CHN2: variants seen among roughly 807,000 people sequenced by gnomAD.
CHN2 encodes beta-chimaerin.
A neutral mutation model predicts 56.3 loss-of-function variants in CHN2; 35 were observed. The ratio of observed to expected loss-of-function variants is 0.62; its 90% CI spans 0.47 to 0.82. CHN2 has a LOEUF of 0.82. Ranked by LOEUF, CHN2 falls within the 40% of genes least tolerant of loss-of-function variation. The pLI, the probability that CHN2 is intolerant of heterozygous loss-of-function variation, is 0.00. For synonymous variants in CHN2, 210 were observed against 212.8 expected (o/e 0.99, Z 0.12); for missense variants, 491 against 580.5 (o/e 0.85, Z 1.58).
chr7:29,302,120 C>T (rs1268801082), intron 1 of CHN2, among the ~76,000 whole-genome samples: 1 of 152,238 alleles, frequency 6.6e-6, no homozygotes, highest in Non-Finnish European at 1.5e-5. Flanking sequence ...GGCTGTCTCT[C>T]TCTAACAGAG....
chr7:29,403,332 A>AGGGGGGGGGGG (rs1802376771), intron 6 of CHN2, among the ~76,000 whole-genome samples: 1 of 68,032 alleles, frequency 1.5e-5, no homozygotes, highest in Non-Finnish European at 2.8e-5. Flanking sequence ...GGGTGGGGGG[A>AGGGGGGGGGGG]GGGTACCTGT....
At chr7:29,159,666 G>C (rs902813156) in intron 2 of CHN2, among the ~76,000 whole-genome samples, 5 of 152,076 alleles carry the variant, frequency 3.3e-5, no homozygotes, top group Non-Finnish European at 7.4e-5. Context: ...TTCTCAGTGA[G>C]ATCTACCCTG....
At chr7:29,302,539 C>A (rs1279093930) in intron 1 of CHN2, among the ~76,000 whole-genome samples, 8 of 135,156 alleles carry the variant, frequency 5.9e-5, no homozygotes, top group African/African-American at 2.3e-4. Context: ...TAGGGTCTCA[C>A]TATATTACCC....
At chr7:29,332,523 T>C (rs1036918606) in intron 1 of CHN2, among the ~76,000 whole-genome samples, 1 of 152,070 alleles carries the variant, frequency 6.6e-6, no homozygotes, top group Non-Finnish European at 1.5e-5. Context: ...CCTAAAATGC[T>C]CTCTCGCAAT....
intron 12 of CHN2, among the ~76,000 whole-genome samples, chr7:29,511,797 A>G (rs1442364339): frequency 1.1e-4 from 17 of 151,636 alleles, no homozygotes; most frequent in Admixed American, 1.1e-3. Context: ...TGAACATTCT[A>G]AAACTTAAAG....
chr7:29,228,219 CAGAG>C (rs993250753), intron 1 of CHN2, among the ~76,000 whole-genome samples: 6 of 149,546 alleles, frequency 4.0e-5, no homozygotes, highest in East Asian at 3.9e-4. Context: ...GAGAGAGAGA[CAGAG>C]AGAGAGTCAT....
At chr7:29,238,827 G>A (rs997185183) in intron 1 of CHN2, among the ~76,000 whole-genome samples, 24 of 152,180 alleles carry the variant, frequency 1.6e-4, no homozygotes, top group African/African-American at 4.8e-4. Context: ...AAGACCCTGA[G>A]GTGGGAACAT....
chr7:29,463,400 T>G (rs1467484711), intron 6 of CHN2, among the ~76,000 whole-genome samples: 4 of 152,110 alleles, frequency 2.6e-5, no homozygotes, highest in Non-Finnish European at 5.9e-5. Flanking sequence ...CACACAAGTA[T>G]GCCCAAAGCA....
rs564106032 is a variant in CHN2 at position 29,513,690 on chromosome 7, G to C, written c.*955G>C. On this transcript the variant is annotated 3_prime_UTR_variant, in exon 13 of 13. Transcript: ENST00000222792. ...CAAATTGTATTTTTGCCACATTTCT[G>C]TATTGGTGAAAAGCGAATCTGCAGA... The C allele has an allele frequency of 3.3e-5, 5 of 152,464 alleles. No homozygotes were observed. Among genetic ancestry groups the C allele is most frequent in the Non-Finnish European group, 7.4e-5 (5 of 68,018 alleles). The allele number at this position is 152,464 out of a possible 1,614,324, so 9.4% of individuals were successfully genotyped here.
chr7:29,387,131 G>T (rs1015654939), intron 3 of CHN2, among the ~76,000 whole-genome samples: 11 of 152,132 alleles, frequency 7.2e-5, no homozygotes, highest in African/African-American at 2.7e-4. Context: ...AGACTTAAAT[G>T]AGACAAAAGG....
intron 1 of CHN2, among the ~76,000 whole-genome samples, chr7:29,344,018 A>C (rs775819454): frequency 2.0e-5 from 3 of 152,116 alleles, no homozygotes; most frequent in Non-Finnish European, 2.9e-5. Flanking sequence ...CCAGATGCTT[A>C]AGCCAAAAAC....
chr7:29,409,105 G>A (rs1045410929), intron 6 of CHN2, among the ~76,000 whole-genome samples: 1 of 152,170 alleles, frequency 6.6e-6, no homozygotes, highest in Admixed American at 6.5e-5. Context: ...ACAGTGGCTT[G>A]GGGTGTCTGT....
intron 6 of CHN2, among the ~76,000 whole-genome samples, chr7:29,415,790 G>A (rs1803679436): frequency 6.6e-6 from 1 of 152,182 alleles, no homozygotes; most frequent in Admixed American, 6.5e-5. Context: ...AGAGCCTGGG[G>A]CTCTGGGACA....
At chr7:29,207,494 G>C (rs1784609586) in intron 1 of CHN2, among the ~76,000 whole-genome samples, 1 of 152,194 alleles carries the variant, frequency 6.6e-6, no homozygotes, top group Admixed American at 6.5e-5. Context: ...AAGAATGAGG[G>C]AGAGCAGTAG....
chr7:29,422,926 A>G (rs1804490751), intron 6 of CHN2, among the ~76,000 whole-genome samples: 2 of 152,132 alleles, frequency 1.3e-5, no homozygotes, highest in South Asian at 4.2e-4. Flanking sequence ...AAATAGAGAA[A>G]AAGCTTCCAT....
chr7:29,154,934 A>G (rs1794126270), intron 2 of CHN2, among the ~76,000 whole-genome samples: 1 of 152,238 alleles, frequency 6.6e-6, no homozygotes, highest in African/African-American at 2.4e-5. Context: ...TGGCTGGGGA[A>G]GCCTCACAAT....
intron 4 of CHN2, chr7:29,398,140 A>G (rs1474747152): frequency 8.1e-6 from 3 of 368,706 alleles, no homozygotes; most frequent in Non-Finnish European, 1.4e-5. Flanking sequence ...ACAATAGCAG[A>G]AAGCCAGGTG....
intron 1 of CHN2, chr7:29,334,486 A>C (rs1352679890): frequency 1.3e-5 from 2 of 150,578 alleles, no homozygotes. Flanking sequence ...TAGAAGTTTC[A>C]GCCAGGCACG....
At chr7:29,175,586 C>A (rs1797206242) in intron 2 of CHN2, among the ~76,000 whole-genome samples, 1 of 152,204 alleles carries the variant, frequency 6.6e-6, no homozygotes, top group African/African-American at 2.4e-5. Context: ...TGAGGCCTCC[C>A]CAGCCGTATG....
Sources: gnomAD v4.1 joint callset for allele counts (sites outside exome capture counted in the v4.1 genomes callset) on GRCh38, gnomAD v4.1.1 for gene constraint, MANE v1.5 for transcripts, NCBI Gene and HGNC (gene_info 2026-07-23, HGNC 2026-07-21) for gene names.